Variants in HECW1 observed in about 807,000 individuals in gnomAD.
The protein encoded by HECW1 is HECT, C2 and WW domain containing E3 ubiquitin protein ligase 1, also known as E3 ubiquitin-protein ligase HECW1.
A neutral mutation model predicts 182.3 loss-of-function variants in HECW1; 61 were observed. That is an observed-to-expected ratio of 0.33 (90% CI 0.27 to 0.41). HECW1 has a LOEUF of 0.41. Among genes scored for constraint, HECW1 ranks in the 10% least tolerant of loss-of-function variants. HECW1 has a pLI of 1.00. For missense variants in HECW1, 1,739 were observed against 2,108.9 expected (o/e 0.82, Z 3.44); for synonymous variants, 859 against 832.6 (o/e 1.03, Z -0.55).
chr7:43,319,405 A>AAAAAAAAAAAAAG (rs1361596355), intron 4 of HECW1, among the ~76,000 whole-genome samples: 1 of 146,818 alleles, frequency 6.8e-6, no homozygotes, highest in Non-Finnish European at 1.5e-5. Context: ...AAAAAAAAAA[A>AAAAAAAAAAAAAG]AAAAGAGAGA....
intron 2 of HECW1, among the ~76,000 whole-genome samples, chr7:43,200,830 C>T (rs975862264): frequency 6.6e-6 from 1 of 151,986 alleles, no homozygotes; most frequent in Non-Finnish European, 1.5e-5. Context: ...ACATGCTCAC[C>T]TCTGACTCTG....
chr7:43,197,298 G>T (rs2152686932), intron 2 of HECW1, among the ~76,000 whole-genome samples: 1 of 152,244 alleles, frequency 6.6e-6, no homozygotes, highest in East Asian at 1.9e-4. Flanking sequence ...GTGGAAGAGG[G>T]AGCGGAATAC....
chr7:43,467,108 C>A, intron 15 of HECW1, among the ~76,000 whole-genome samples: 1 of 150,560 alleles, frequency 6.6e-6, no homozygotes. Context: ...TTCCATTCAA[C>A]AAACATTTTC....
chr7:43,416,286 C>G (rs1562952269), intron 8 of HECW1, among the ~76,000 whole-genome samples: 1 of 151,004 alleles, frequency 6.6e-6, no homozygotes, highest in Non-Finnish European at 1.5e-5. Context: ...GAGTACCCTG[C>G]TGTGTGAGGT....
At chr7:43,255,366 A>T (rs1475933560) in intron 3 of HECW1, among the ~76,000 whole-genome samples, 1 of 152,186 alleles carries the variant, frequency 6.6e-6, no homozygotes, top group Non-Finnish European at 1.5e-5. Context: ...TTGGAGGCTG[A>T]GGTGGGTGGA....
rs2076984368 is a variant in HECW1 at position 43,444,559 on chromosome 7, G to C, written c.1387G>C (p.Asp463His). 6.2e-7 allele frequency: 1 copy of C among 1,611,088 alleles called. No homozygotes were observed. The highest frequency in any genetic ancestry group is 8.5e-7 in the Non-Finnish European group (1 of 1,178,826). The change falls in exon 11 of 30, where the codon GAC becomes CAC. Residue 463 changes from aspartate (D) to histidine (H), a missense_variant. Asp to His is a moderately conservative substitution (Grantham distance 81). Transcript: ENST00000395891. This position sits in a 1 kb window ranked among gnomAD's most constrained non-coding sequence, Gnocchi z 4.3. ...PSAEELAEQL[D>H]LGEEASALLL... ...TGCAGAAGAGCTGGCCGAGCAGCTGGACCTGGGTGAGGAGGCATCAGCACT... is the reference window on the plus strand; with the variant it reads ...TGCAGAAGAGCTGGCCGAGCAGCTGCACCTGGGTGAGGAGGCATCAGCACT...
chr7:43,190,081 A>G (rs1793759090), intron 2 of HECW1, among the ~76,000 whole-genome samples: 1 of 142,492 alleles, frequency 7.0e-6, no homozygotes, highest in Non-Finnish European at 1.6e-5. Context: ...ACAGCTGTGG[A>G]AATTTTTGTT....
chr7:43,362,861 A>C (rs974801321), intron 6 of HECW1, among the ~76,000 whole-genome samples: 1 of 152,236 alleles, frequency 6.6e-6, no homozygotes, highest in East Asian at 1.9e-4. Context: ...GGCAGACACA[A>C]GGATCCCTTA....
At chr7:43,457,802 G>A (rs2077453892) in intron 13 of HECW1, among the ~76,000 whole-genome samples, 1 of 151,158 alleles carries the variant, frequency 6.6e-6, no homozygotes, top group Non-Finnish European at 1.5e-5. Flanking sequence ...CAAAAAACAT[G>A]GAAACAAAAA....
At chr7:43,265,373 C>T (rs2152736596) in intron 3 of HECW1, among the ~76,000 whole-genome samples, 1 of 152,312 alleles carries the variant, frequency 6.6e-6, no homozygotes, top group Non-Finnish European at 1.5e-5. Flanking sequence ...CAGGAAGTGT[C>T]ATCCTGCCTT....
At chr7:43,198,337 A>G (rs1794678013) in intron 2 of HECW1, among the ~76,000 whole-genome samples, 1 of 147,756 alleles carries the variant, frequency 6.8e-6, no homozygotes, top group African/African-American at 2.5e-5. Context: ...CACATCCTAC[A>G]TACACTCATC....
chr7:43,177,682 A>G (rs755759859), intron 2 of HECW1, among the ~76,000 whole-genome samples: 5 of 152,202 alleles, frequency 3.3e-5, no homozygotes, highest in Non-Finnish European at 5.9e-5. Flanking sequence ...TATAAGAAAA[A>G]TAGCACCTAC....
chr7:43,273,174 G>A (rs536728725), intron 3 of HECW1, among the ~76,000 whole-genome samples: 2 of 152,244 alleles, frequency 1.3e-5, no homozygotes, highest in African/African-American at 4.8e-5. Context: ...TACTAGAAGG[G>A]GGATGGAGGG....
chr7:43,132,292 C>A (rs1376642853), intron 2 of HECW1, among the ~76,000 whole-genome samples: 1 of 151,698 alleles, frequency 6.6e-6, no homozygotes, highest in Non-Finnish European at 1.5e-5. Context: ...TTTGTGATGA[C>A]CTATTGGTTA....
chr7:43,187,020 G>T (rs1793473945), intron 2 of HECW1, among the ~76,000 whole-genome samples: 1 of 152,190 alleles, frequency 6.6e-6, no homozygotes, highest in Non-Finnish European at 1.5e-5. Flanking sequence ...GGCTTATCTG[G>T]AAGGCTCTGC....
intron 5 of HECW1, among the ~76,000 whole-genome samples, chr7:43,351,596 C>T (rs1814460359): frequency 6.6e-6 from 1 of 151,400 alleles, no homozygotes; most frequent in Non-Finnish European, 1.5e-5. Context: ...TGTTATGGAA[C>T]ATATGCCTGT....
intron 3 of HECW1, among the ~76,000 whole-genome samples, chr7:43,294,453 G>C (rs559437795): frequency 4.4e-4 from 67 of 152,320 alleles, no homozygotes; most frequent in African/African-American, 1.6e-3. Flanking sequence ...CAGCCTCCCA[G>C]GAGCCTTCCA....
chr7:43,261,339 C>A (rs1191300690), intron 3 of HECW1, among the ~76,000 whole-genome samples: 1 of 152,196 alleles, frequency 6.6e-6, no homozygotes, highest in Admixed American at 6.5e-5. Flanking sequence ...TGAGTAGCAT[C>A]CCAAGCATGT....
intron 21 of HECW1, 62 bp from the exon 22 acceptor site, chr7:43,507,075 A>G (rs1163932822): frequency 1.3e-6 from 2 of 1,570,118 alleles, no homozygotes; most frequent in Non-Finnish European, 1.7e-6. Flanking sequence ...TTCTCAAAAA[A>G]GAAAAAAAGA....
Sources: allele counts gnomAD v4.1 joint callset (sites outside exome capture counted in the v4.1 genomes callset), GRCh38; gene constraint gnomAD v4.1.1; non-coding constraint Gnocchi (gnomAD v3.1); transcripts MANE v1.5; gene names NCBI Gene and HGNC (gene_info 2026-07-23, HGNC 2026-07-21).